Variants in SHLD1 observed in about 807,000 individuals in gnomAD.
SHLD1 encodes shieldin complex subunit 1.
SHLD1 carries 3 observed loss-of-function variants against 5.5 expected under a neutral mutation model. That is an observed-to-expected ratio of 0.54 (90% CI 0.25 to 1.40). The LOEUF is 1.40. Ranked by LOEUF, SHLD1 falls within the 40% of genes most tolerant of loss-of-function variation. The pLI is 0.15. For missense variants in SHLD1, 210 were observed against 244.4 expected, an observed-to-expected ratio of 0.86 and a Z score of 0.94; for synonymous variants, 92 against 94.3, an observed-to-expected ratio of 0.98 and a Z score of 0.14.
chr20:5,828,826 T>G (rs2087695650), intron 2 of SHLD1, among the ~76,000 whole-genome samples: 1 of 152,222 alleles, frequency 6.6e-6, no homozygotes, highest in Admixed American at 6.5e-5. Flanking sequence ...TTATGTCATT[T>G]TATATCATTT....
At chr20:5,830,585 G>A (rs1362733437) in intron 2 of SHLD1, among the ~76,000 whole-genome samples, 3 of 152,054 alleles carry the variant, frequency 2.0e-5, no homozygotes, top group African/African-American at 7.2e-5. Flanking sequence ...CTACTCAGGA[G>A]GCTGAGGCAG....
chr20:5,789,084 A>G (rs2087101592), intron 2 of SHLD1, among the ~76,000 whole-genome samples: 1 of 151,690 alleles, frequency 6.6e-6, no homozygotes, highest in African/African-American at 2.4e-5. Flanking sequence ...GCTGAGATCG[A>G]GCCACTGCAC....
chr20:5,794,305 A>G (rs2087181748), intron 2 of SHLD1, among the ~76,000 whole-genome samples: 1 of 152,134 alleles, frequency 6.6e-6, no homozygotes, highest in South Asian at 2.1e-4. Context: ...CATTACCACC[A>G]CTGCTGTTAC....
At chr20:5,768,961 A>C (rs145019461) in intron 1 of SHLD1, among the ~76,000 whole-genome samples, 22 of 143,164 alleles carry the variant, frequency 1.5e-4, no homozygotes, top group African/African-American at 1.6e-4. Context: ...GCTGGAGTGC[A>C]TTGGCACAAT....
chr20:5,778,038 G>A (rs573556358), intron 2 of SHLD1, among the ~76,000 whole-genome samples: 1 of 151,626 alleles, frequency 6.6e-6, no homozygotes, highest in Non-Finnish European at 1.5e-5. Context: ...AAGGACCAGG[G>A]CTGTGAGTGG....
At chr20:5,753,867 C>G (rs1983902841) in intron 1 of SHLD1, among the ~76,000 whole-genome samples, 3 of 152,176 alleles carry the variant, frequency 2.0e-5, no homozygotes, top group Non-Finnish European at 4.4e-5. Flanking sequence ...TGGGGGAGAT[C>G]CGTTCGGAAC....
At chr20:5,778,212 G>A (rs1385938009) in intron 2 of SHLD1, among the ~76,000 whole-genome samples, 7 of 149,934 alleles carry the variant, frequency 4.7e-5, no homozygotes, top group Admixed American at 4.7e-4. Context: ...CGCCTCCTGG[G>A]TTCACGCCAT....
chr20:5,798,893 A>C (rs996189185), intron 2 of SHLD1, among the ~76,000 whole-genome samples: 2 of 152,098 alleles, frequency 1.3e-5, no homozygotes, highest in Non-Finnish European at 2.9e-5. Flanking sequence ...TCTCTTAAAA[A>C]CTAGCCTCAG....
rs1022232836 is a variant in SHLD1 at position 5,750,733 on chromosome 20, A to G, written c.-5+254A>G. Reference sequence around the variant, plus strand: ...TGTTTTTTTTTAAATTTTTTCAGTGACCTGCCACTTCAGGAGGTTCTGCTA... The same window carrying G: ...TGTTTTTTTTTAAATTTTTTCAGTGGCCTGCCACTTCAGGAGGTTCTGCTA... On this transcript the variant is annotated intron_variant, in intron 1 of 2. Transcript: ENST00000303142. Among the ~76,000 whole-genome samples, 3 of 151,380 alleles carry G rather than the reference A, an allele frequency of 2.0e-5. No individual in the cohort carries two copies. The South Asian group carries it at 6.2e-4, about 31-fold the overall frequency.
chr20:5,826,021 G>A (rs2087661451), intron 2 of SHLD1, among the ~76,000 whole-genome samples: 1 of 152,170 alleles, frequency 6.6e-6, no homozygotes, highest in African/African-American at 2.4e-5. Context: ...GCTGCACATG[G>A]GTATAGGGCC....
intron 1 of SHLD1, among the ~76,000 whole-genome samples, chr20:5,754,510 T>C (rs922326996): frequency 1.3e-5 from 2 of 152,102 alleles, no homozygotes; most frequent in East Asian, 1.9e-4. Context: ...CCATTGTTGA[T>C]GAAAAAAGCC....
chr20:5,819,384 C>G (rs1383004921), intron 2 of SHLD1, among the ~76,000 whole-genome samples: 2 of 152,202 alleles, frequency 1.3e-5, no homozygotes, highest in Non-Finnish European at 2.9e-5. Flanking sequence ...ATTTCTCATT[C>G]CAAACTTTGC....
At chr20:5,848,115 T>C (rs1354543106) in intron 2 of SHLD1, among the ~76,000 whole-genome samples, 1 of 152,262 alleles carries the variant, frequency 6.6e-6, no homozygotes, top group Non-Finnish European at 1.5e-5. Flanking sequence ...TGCAAAACTT[T>C]GTATTTTGAA....
intron 2 of SHLD1, among the ~76,000 whole-genome samples, chr20:5,791,433 G>T (rs537389424): frequency 6.6e-6 from 1 of 151,716 alleles, no homozygotes; most frequent in Non-Finnish European, 1.5e-5. Context: ...GTGTGATGGG[G>T]CACTCATGTA....
intron 1 of SHLD1, among the ~76,000 whole-genome samples, chr20:5,771,366 A>T (rs566382541): frequency 3.9e-5 from 6 of 152,174 alleles, no homozygotes; most frequent in African/African-American, 1.4e-4. Context: ...GGCAAATGCA[A>T]CCTTTTTAGT....
intron 2 of SHLD1, among the ~76,000 whole-genome samples, chr20:5,853,144 G>A (rs891458157): frequency 1.3e-5 from 2 of 152,092 alleles, no homozygotes; most frequent in African/African-American, 4.8e-5. Context: ...TAGGCCCTGG[G>A]GAAACAGCAG....
At chr20:5,812,081 T>G (rs71338509) in intron 2 of SHLD1, among the ~76,000 whole-genome samples, 1 of 148,896 alleles carries the variant, frequency 6.7e-6, no homozygotes, top group Non-Finnish European at 1.5e-5. Context: ...TTTTTTTTTC[T>G]TTTTTTTTCT....
chr20:5,784,702 A>G (rs35357633), intron 2 of SHLD1, among the ~76,000 whole-genome samples: 500 of 152,208 alleles, frequency 3.3e-3, no homozygotes, highest in Admixed American at 4.6e-3. Flanking sequence ...CGCCCGCCTC[A>G]GCCTCCCAAA....
intron 2 of SHLD1, among the ~76,000 whole-genome samples, chr20:5,811,838 A>G (rs1265538018): frequency 6.6e-6 from 1 of 150,380 alleles, no homozygotes; most frequent in Non-Finnish European, 1.5e-5. Context: ...CCTGGGCAAC[A>G]ATGTGAAACT....
Sources: allele counts gnomAD v4.1 joint callset (sites outside exome capture counted in the v4.1 genomes callset), GRCh38; gene constraint gnomAD v4.1.1; transcripts MANE v1.5; gene names NCBI Gene and HGNC (gene_info 2026-07-23, HGNC 2026-07-21).